The following SPACA7 variants were observed in gnomAD, a reference collection of about 807,000 sequenced individuals.
SPACA7 encodes sperm acrosome-associated protein 7.
SPACA7 carries 19 observed loss-of-function variants against 26.3 expected under a neutral mutation model. That is an observed-to-expected ratio of 0.72 (90% confidence interval 0.50 to 1.06). The LOEUF (loss-of-function observed/expected upper bound fraction) is 1.06. Ranked by LOEUF, SPACA7 falls within the 50% of genes least tolerant of loss-of-function variation. The pLI, the probability that SPACA7 is intolerant of heterozygous loss-of-function variation, is 0.00. For missense variants in SPACA7, 211 were observed against 229.9 expected (o/e 0.92, Z 0.53); for synonymous variants, 84 against 84.5 (o/e 0.99, Z 0.04).
intron 5 of SPACA7, among the ~76,000 whole-genome samples, chr13:112,414,703 T>C (rs11618391): frequency 2.0e-5 from 3 of 152,308 alleles, no homozygotes; most frequent in Admixed American, 6.5e-5. Flanking sequence ...TGAGCCACCG[T>C]GCCCAACCTT....
intron 2 of SPACA7, among the ~76,000 whole-genome samples, chr13:112,397,178 T>A (rs1044226891): frequency 6.6e-6 from 1 of 152,192 alleles, no homozygotes; most frequent in African/African-American, 2.4e-5. Flanking sequence ...TTCAGCCTCT[T>A]CCCCTTTACC....
At chr13:112,434,256 G>A (rs1318092648) in intron 6 of SPACA7, among the ~76,000 whole-genome samples, 1 of 152,180 alleles carries the variant, frequency 6.6e-6, no homozygotes, top group South Asian at 2.1e-4. Flanking sequence ...AGAACGCGGG[G>A]GAAATGACAC....
At chr13:112,404,975 CTTCTTT>C (rs1421325247) in intron 5 of SPACA7, among the ~76,000 whole-genome samples, 4 of 100,750 alleles carry the variant, frequency 4.0e-5, no homozygotes, top group South Asian at 6.8e-4. Context: ...ATTGTATTCT[CTTCTTT>C]TTTTTTTTTT....
At chr13:112,380,364 C>T (rs1014692360) in intron 1 of SPACA7, among the ~76,000 whole-genome samples, 3 of 129,850 alleles carry the variant, frequency 2.3e-5, no homozygotes, top group African/African-American at 9.1e-5. Flanking sequence ...AAGATCACGC[C>T]ATTGCACTCC....
chr13:112,419,625 T>A (rs916139563), intron 5 of SPACA7, among the ~76,000 whole-genome samples: 1 of 152,192 alleles, frequency 6.6e-6, no homozygotes, highest in Non-Finnish European at 1.5e-5. Flanking sequence ...GGGGCCAGGA[T>A]CCTTCACCAT....
At chr13:112,379,100 T>G (rs1883881060) in intron 1 of SPACA7, among the ~76,000 whole-genome samples, 1 of 152,156 alleles carries the variant, frequency 6.6e-6, no homozygotes, top group Non-Finnish European at 1.5e-5. Context: ...CAGAAACATT[T>G]CCAAGAAAAT....
At chr13:112,376,788 C>T (rs1173289907) in intron 1 of SPACA7, among the ~76,000 whole-genome samples, 1 of 151,650 alleles carries the variant, frequency 6.6e-6, no homozygotes, top group African/African-American at 2.4e-5. Context: ...TTTTTTTCTA[C>T]ACACACACAC....
intron 2 of SPACA7, among the ~76,000 whole-genome samples, chr13:112,395,470 G>GT (rs1327206459): frequency 1.3e-5 from 2 of 152,050 alleles, no homozygotes; most frequent in African/African-American, 4.8e-5. Context: ...CTCTGTTTCT[G>GT]TTTTTTGTTT....
At chr13:112,396,168 G>A (rs375922932) in intron 2 of SPACA7, among the ~76,000 whole-genome samples, 2 of 148,248 alleles carry the variant, frequency 1.3e-5, no homozygotes, top group African/African-American at 4.9e-5. Context: ...TCCCGGCTTC[G>A]GGCATGGAGT....
At chr13:112,432,218 A>G (rs951890114) in intron 5 of SPACA7, among the ~76,000 whole-genome samples, 1 of 152,186 alleles carries the variant, frequency 6.6e-6, no homozygotes, top group Non-Finnish European at 1.5e-5. Context: ...GACTCCACGC[A>G]TTGCTTCGGC....
chr13:112,391,279 C>T (rs552252011), intron 1 of SPACA7, among the ~76,000 whole-genome samples: 18 of 152,332 alleles, frequency 1.2e-4, no homozygotes, highest in African/African-American at 1.7e-4. Context: ...CACTTTCTCA[C>T]GAGGAACATT....
At chr13:112,425,590 C>T (rs777114621) in intron 5 of SPACA7, among the ~76,000 whole-genome samples, 4 of 152,048 alleles carry the variant, frequency 2.6e-5, no homozygotes, top group Admixed American at 6.6e-5. Context: ...AAGTATGAAA[C>T]CGTTTTGTTT....
At position 112,388,637 on chromosome 13, in the gene SPACA7, C is replaced by T. The variant is rs1005834825; in HGVS notation, c.95-4384C>T. 2.0e-4 allele frequency among the ~76,000 whole-genome samples: 31 copies of T among 152,328 alleles called. 1 individual carries two copies. The highest frequency in any genetic ancestry group is 2.9e-4 in the Non-Finnish European group (20 of 68,030). On this transcript the variant is annotated intron_variant, in intron 1 of 6. Coordinates refer to ENST00000283550, the MANE Select transcript of SPACA7 (RefSeq NM_145248.5). ...GTACAAGCCCCCAAATTTGTAACCA[C>T]CCAAGGGGTTCACTTTGCCCCCTGC...
intron 1 of SPACA7, among the ~76,000 whole-genome samples, chr13:112,382,672 A>T (rs1884157081): frequency 1.3e-5 from 2 of 152,140 alleles, no homozygotes; most frequent in South Asian, 4.1e-4. Flanking sequence ...TAGGATAAGG[A>T]GCACAATTTT....
At chr13:112,416,190 T>G (rs1322005645) in intron 5 of SPACA7, among the ~76,000 whole-genome samples, 2 of 152,106 alleles carry the variant, frequency 1.3e-5, no homozygotes, top group Non-Finnish European at 2.9e-5. Context: ...CTTGAATGCA[T>G]AGTTGTTCAA....
At chr13:112,378,828 C>A (rs1003097007) in intron 1 of SPACA7, 20 of 460,370 alleles carry the variant, frequency 4.3e-5, no homozygotes, top group African/African-American at 4.0e-4. Flanking sequence ...ACATTCCAGT[C>A]AAAGCCTTGG....
intron 5 of SPACA7, among the ~76,000 whole-genome samples, chr13:112,409,304 G>C (rs968104160): frequency 1.3e-5 from 2 of 152,124 alleles, no homozygotes; most frequent in African/African-American, 4.8e-5. Context: ...CATAGGCATG[G>C]GCAAGGACTT....
intron 5 of SPACA7, among the ~76,000 whole-genome samples, chr13:112,431,477 C>A (rs1877130576): frequency 6.6e-6 from 1 of 152,112 alleles, no homozygotes; most frequent in African/African-American, 2.4e-5. Flanking sequence ...TATATAAATT[C>A]ATGTCATAAT....
intron 5 of SPACA7, among the ~76,000 whole-genome samples, chr13:112,402,593 T>C (rs1225738043): frequency 6.6e-6 from 1 of 152,226 alleles, no homozygotes; most frequent in East Asian, 1.9e-4. Context: ...GAGTGGGCAT[T>C]CTTGCCTTGT....
Sources: gnomAD v4.1 joint callset for allele counts (sites outside exome capture counted in the v4.1 genomes callset) on GRCh38, gnomAD v4.1.1 for gene constraint, MANE v1.5 for transcripts, NCBI Gene and HGNC (gene_info 2026-07-23, HGNC 2026-07-21) for gene names.